The following SNRPD3 variants were observed in gnomAD, a reference collection of about 807,000 sequenced individuals.
The protein encoded by SNRPD3 is small nuclear ribonucleoprotein D3 polypeptide, also known as small nuclear ribonucleoprotein Sm D3.
For missense variants in SNRPD3, 73 were observed against 167.5 expected (o/e 0.44, Z 3.11); for synonymous variants, 66 against 58.4 (o/e 1.13, Z -0.59).
chr22:24,555,986 T>G, upstream of SNRPD3: 1 of 714,512 alleles, frequency 1.4e-6, no homozygotes. Context: ...GAATTCTGGG[T>G]GTTAGGCCCG....
At chr22:24,565,061 T>G (rs1418470943) in intron 2 of SNRPD3, among the ~76,000 whole-genome samples, 1 of 151,918 alleles carries the variant, frequency 6.6e-6, no homozygotes, top group Non-Finnish European at 1.5e-5. Flanking sequence ...TTGTTAAAAA[T>G]TTTTGTAGAG....
intron 2 of SNRPD3, among the ~76,000 whole-genome samples, chr22:24,566,679 C>T (rs1433309134): frequency 6.6e-6 from 1 of 152,236 alleles, no homozygotes; most frequent in Non-Finnish European, 1.5e-5. Flanking sequence ...AGAGACAGCA[C>T]ATCTTTCTAC....
At position 24,572,604 on chromosome 22, in the gene SNRPD3, TAAA is replaced by T. The variant is rs2045259563; in HGVS notation, c.*632_*634del. On this transcript the variant is annotated 3_prime_UTR_variant, in exon 4 of 4. Coordinates refer to ENST00000215829, the MANE Select transcript of SNRPD3 (RefSeq NM_004175.5). Reference sequence around the variant, plus strand: ...GGTGAAACCTCGTGTGTACTAAAAATAAAAAAATTAGCCGGGTGCGGTGGCATG... The same window carrying T: ...GGTGAAACCTCGTGTGTACTAAAAATAAAATTAGCCGGGTGCGGTGGCATG... 1 of 164,748 alleles carries T rather than the reference TAAA, an allele frequency of 6.1e-6. No homozygotes were observed. Among genetic ancestry groups the T allele is most frequent in the African/African-American group, 2.4e-5 (1 of 41,372 alleles). The allele number at this position is 164,748 out of a possible 1,614,324, so 10.2% of individuals were successfully genotyped here.
At position 24,573,135 on chromosome 22, in the gene SNRPD3, A is replaced by G. The variant is rs942501302; in HGVS notation, c.*1158A>G. ...GGGAGGATCACTTGAGCCTGGGAGT[A>G]TGAGGCTGCAGTGAGCTATGACCTT... On this transcript the variant is annotated 3_prime_UTR_variant, in exon 4 of 4. Coordinates refer to ENST00000215829, the MANE Select transcript of SNRPD3 (RefSeq NM_004175.5). Among the ~76,000 whole-genome samples, 4 of 151,382 alleles carry G rather than the reference A, an allele frequency of 2.6e-5. No individual in the cohort carries two copies. In the East Asian group the frequency reaches 7.9e-4, roughly 30 times the overall value.
upstream of SNRPD3, chr22:24,555,861 G>T (rs539241589): frequency 4.6e-5 from 71 of 1,528,622 alleles, no homozygotes; most frequent in Non-Finnish European, 5.0e-5. Flanking sequence ...TATCGTACTG[G>T]TGCCCTAGTT....
chr22:24,567,671 G>A (rs1016456979), intron 2 of SNRPD3, among the ~76,000 whole-genome samples: 1 of 152,066 alleles, frequency 6.6e-6, no homozygotes. Flanking sequence ...GCTTGAACCC[G>A]GGAGGCAGAG....
At position 24,556,324 on chromosome 22, in the gene SNRPD3, A is replaced by T. The variant is rs1238821369; in HGVS notation, c.-19+253A>T. ...CAAAGCTTCCAGGCAGTAATCTCGA[A>T]GTCATTTCTGATTGACTATCTCCTT... is the stretch of plus-strand genomic sequence containing the variant. On this transcript the variant is annotated intron_variant, in intron 1 of 3. Transcript: ENST00000215829. Among the ~76,000 whole-genome samples the T allele has an allele frequency of 2.6e-5, 4 of 151,430 alleles. No individual in the cohort carries two copies. In the East Asian group the frequency reaches 7.7e-4, roughly 29 times the overall value.
At chr22:24,570,875 G>GCTTGAT (rs1276238396) in intron 3 of SNRPD3, among the ~76,000 whole-genome samples, 10 of 144,112 alleles carry the variant, frequency 6.9e-5, no homozygotes, top group Non-Finnish European at 6.0e-5. Flanking sequence ...CAGTGCGGTG[G>GCTTGAT]CTTGATCTCA....
Position 24,572,742 on chromosome 22 carries a change from CAG to C in SNRPD3, c.*768_*769del, listed in dbSNP as rs1365183026. 1.3e-5 allele frequency: 2 copies of C among 151,432 alleles called. No homozygotes were observed. The highest frequency in any genetic ancestry group is 2.4e-5 in the African/African-American group (1 of 40,886). 9.4% of individuals were successfully genotyped at this position (151,432 alleles called of 1,614,324 possible). A position where few individuals can be genotyped will look rare whatever the true frequency, so the allele number is the denominator to read the frequency against. ...TGCCACTGTACTCCAGCTTGGGTGA[CAG>C]AGCGAGACTGCACCTCAAAAAAAAA... is the stretch of plus-strand genomic sequence containing the variant. On this transcript the variant is annotated 3_prime_UTR_variant, in exon 4 of 4. Transcript: ENST00000215829.
At chr22:24,565,753 C>T (rs752572750) in intron 2 of SNRPD3, among the ~76,000 whole-genome samples, 3 of 152,052 alleles carry the variant, frequency 2.0e-5, no homozygotes, top group Non-Finnish European at 4.4e-5. Context: ...CTCTACCTCC[C>T]GGGTTCAAGT....
chr22:24,571,692 C>T (rs1022723899), intron 3 of SNRPD3, among the ~76,000 whole-genome samples: 3 of 151,350 alleles, frequency 2.0e-5, no homozygotes, highest in East Asian at 1.9e-4. Flanking sequence ...TGCAGTGAGC[C>T]GAGATCATGC....
intron 2 of SNRPD3, among the ~76,000 whole-genome samples, chr22:24,559,878 A>G (rs2045115934): frequency 6.6e-6 from 1 of 152,050 alleles, no homozygotes. Context: ...TCTGAGATCA[A>G]GGTGTTGGCA....
chr22:24,567,292 G>A (rs956782130), intron 2 of SNRPD3, among the ~76,000 whole-genome samples: 2 of 152,188 alleles, frequency 1.3e-5, no homozygotes, highest in African/African-American at 2.4e-5. Flanking sequence ...AGCTGTTTTC[G>A]TTAGGGTTTA....
At position 24,573,694 on chromosome 22, in the gene SNRPD3, G is replaced by C. The variant is rs2045267343; in HGVS notation, c.*1717G>C. Among the ~76,000 whole-genome samples the C allele has an allele frequency of 6.6e-6, 1 of 152,196 alleles. No individual in the cohort carries two copies. Among genetic ancestry groups the C allele is most frequent in the Non-Finnish European group, 1.5e-5 (1 of 68,038 alleles). On this transcript the variant is annotated 3_prime_UTR_variant, in exon 4 of 4. Coordinates refer to ENST00000215829, the MANE Select transcript of SNRPD3 (RefSeq NM_004175.5). ...GTTTGAGACTAGCCTGGGCTGTTAAGCTTTGTTAACCAAGACCGCATCTCT... is the reference window on the plus strand; with the variant it reads ...GTTTGAGACTAGCCTGGGCTGTTAACCTTTGTTAACCAAGACCGCATCTCT...
intron 2 of SNRPD3, among the ~76,000 whole-genome samples, chr22:24,563,256 A>ATG (rs145318506): frequency 0.8 from 111,116 of 139,240 alleles, 45,083 homozygotes; most frequent in Non-Finnish European, 0.86. Context: ...GTGTGTATGT[A>ATG]TGTATATATG....
At chr22:24,565,486 C>T (rs1268723673) in intron 2 of SNRPD3, among the ~76,000 whole-genome samples, 4 of 152,152 alleles carry the variant, frequency 2.6e-5, no homozygotes, top group African/African-American at 7.2e-5. Context: ...ATTTTCAAAA[C>T]TCAGCTTTGT....
intron 2 of SNRPD3, among the ~76,000 whole-genome samples, chr22:24,563,202 A>ATGTGTGTGTGTGTGTGTGTG (rs1491542810): frequency 2.2e-5 from 3 of 138,814 alleles, no homozygotes; most frequent in African/African-American, 8.4e-5. Flanking sequence ...ACCCTGTCTC[A>ATGTGTGTGTGTGTGTGTGTG]TATATGTGTG....
chr22:24,560,672 C>T (rs919449346), intron 2 of SNRPD3, among the ~76,000 whole-genome samples: 1 of 147,080 alleles, frequency 6.8e-6, no homozygotes, highest in Non-Finnish European at 1.5e-5. Flanking sequence ...TTGCCTCAGC[C>T]TCCCAAGTGC....
intron 2 of SNRPD3, among the ~76,000 whole-genome samples, chr22:24,558,916 G>A (rs896254868): frequency 6.6e-6 from 1 of 152,136 alleles, no homozygotes; most frequent in Admixed American, 6.6e-5. Context: ...TCGGCTGCCT[G>A]CACTCCTCAT....
Sources: gnomAD v4.1 joint callset for allele counts (sites outside exome capture counted in the v4.1 genomes callset) on GRCh38, gnomAD v4.1.1 for gene constraint, MANE v1.5 for transcripts, NCBI Gene and HGNC (gene_info 2026-07-23, HGNC 2026-07-21) for gene names.